Variants in ATP2C2 observed in about 807,000 individuals in gnomAD.
ATP2C2 encodes the protein calcium-transporting ATPase type 2C member 2.
A neutral mutation model predicts 110.8 loss-of-function variants in ATP2C2; 171 were observed. The observed-to-expected ratio is 1.54, with a 90% CI of 1.36 to 1.75. The LOEUF (loss-of-function observed/expected upper bound fraction) is 1.75, where lower values mean the gene tolerates loss of function less well. Among genes scored for constraint, ATP2C2 ranks in the 40% most tolerant of loss-of-function variants. The pLI is 0.00. For synonymous variants in ATP2C2, 804 were observed against 508.4 expected, an observed-to-expected ratio of 1.58 and a Z score of -7.82; for missense variants, 1,963 against 1,235.0, an observed-to-expected ratio of 1.59 and a Z score of -8.84.
chr16:84,438,542 C>T (rs557681113), intron 11 of ATP2C2, among the ~76,000 whole-genome samples: 2 of 152,330 alleles, frequency 1.3e-5, no homozygotes, highest in South Asian at 2.1e-4. Flanking sequence ...CACACGCTCT[C>T]CTCGAATCCA....
intron 10 of ATP2C2, among the ~76,000 whole-genome samples, chr16:84,424,932 C>T (rs531262224): frequency 6.6e-6 from 1 of 152,192 alleles, no homozygotes; most frequent in African/African-American, 2.4e-5. Flanking sequence ...ACTGCCTCAC[C>T]CCTATTTCCA....
chr16:84,415,847 A>G (rs950064572), intron 7 of ATP2C2, among the ~76,000 whole-genome samples: 1 of 152,228 alleles, frequency 6.6e-6, no homozygotes, highest in Non-Finnish European at 1.5e-5. Context: ...AGTTTAAAGC[A>G]GGCTGCAATA....
chr16:84,451,193 AAAC>A (rs1212993479), intron 17 of ATP2C2, among the ~76,000 whole-genome samples: 2 of 152,158 alleles, frequency 1.3e-5, no homozygotes, highest in African/African-American at 2.4e-5. Flanking sequence ...GCCTAAGGGG[AAAC>A]CCCTCATAAA....
rs757204009 is a variant in ATP2C2 at position 84,446,367 on chromosome 16, AAAAG to A, written c.1442_1445del (p.Lys481ArgfsTer13). 14 of 1,604,422 alleles carry A rather than the reference AAAAG, an allele frequency of 8.7e-6. No homozygotes were observed. The highest frequency in any genetic ancestry group is 1.1e-5 in the South Asian group (1 of 88,874). The stretch of plus-strand genomic sequence containing the variant: ...ATATTAAAAATTCATATATAAGAAA[AAAAG>A]AGATTCCATTCAGTTCAGAGCAGAA... On this transcript the variant is annotated frameshift_variant, in exon 16 of 27. Coordinates refer to ENST00000262429, the MANE Select transcript of ATP2C2 (RefSeq NM_014861.4). LOFTEE classifies it high-confidence loss of function.
chr16:84,408,503 C>T lies in ATP2C2; in HGVS notation c.417+9C>T. ...CCGTCAGCATCGCCACGGTGAGTTC[C>T]CTGACAGCGCTCGGCTCCCGGGCGG... On this transcript the variant is annotated intron_variant, in intron 4 of 26. Transcript: ENST00000262429. 5.6e-6 allele frequency: 9 copies of T among 1,610,628 alleles called. No individual in the cohort carries two copies. Among genetic ancestry groups the T allele is most frequent in the Non-Finnish European group, 7.6e-6 (9 of 1,178,826 alleles).
chr16:84,432,763 T>G (rs1379795888), intron 11 of ATP2C2, among the ~76,000 whole-genome samples: 1 of 152,198 alleles, frequency 6.6e-6, no homozygotes, highest in Admixed American at 6.5e-5. Flanking sequence ...TCAGGTGATC[T>G]GCCTGCCTCT....
intron 11 of ATP2C2, among the ~76,000 whole-genome samples, chr16:84,436,831 C>T (rs1172665017): frequency 6.8e-6 from 1 of 147,142 alleles, no homozygotes; most frequent in African/African-American, 2.5e-5. Context: ...GGCACCATCT[C>T]AGCTCACCAC....
chr16:84,372,659 C>G (rs1433349872), intron 1 of ATP2C2, among the ~76,000 whole-genome samples: 1 of 152,010 alleles, frequency 6.6e-6, no homozygotes, highest in Non-Finnish European at 1.5e-5. Context: ...CTCCTGACCT[C>G]ATGATCCGCC....
intron 3 of ATP2C2, chr16:84,406,677 A>G (rs1321943272): frequency 1.0e-6 from 1 of 982,156 alleles, no homozygotes; most frequent in African/African-American, 1.8e-5. Flanking sequence ...GCTAGCCCAG[A>G]AGCTTCCTAA....
At chr16:84,451,351 C>G (rs921740935) in intron 17 of ATP2C2, among the ~76,000 whole-genome samples, 1 of 152,176 alleles carries the variant, frequency 6.6e-6, no homozygotes, top group African/African-American at 2.4e-5. Flanking sequence ...TGGGTGGGGA[C>G]ACAGCCAAAC....
intron 11 of ATP2C2, among the ~76,000 whole-genome samples, chr16:84,432,415 C>T (rs532842903): frequency 2.0e-5 from 3 of 152,060 alleles, no homozygotes; most frequent in Non-Finnish European, 4.4e-5. Flanking sequence ...AGGCATTTGG[C>T]CTAATGCTCT....
intron 11 of ATP2C2, among the ~76,000 whole-genome samples, chr16:84,426,853 C>T (rs556180541): frequency 2.6e-5 from 4 of 152,292 alleles, no homozygotes; most frequent in East Asian, 3.9e-4. Context: ...GGGGACCCGC[C>T]CTTCTTCTAC....
intron 16 of ATP2C2, 106 bp downstream of exon 16, chr16:84,446,536 T>C (rs867707877): frequency 2.9e-6 from 2 of 679,426 alleles, no homozygotes; most frequent in Middle Eastern, 2.7e-4. Flanking sequence ...TCCTGGCTGC[T>C]TCTGTGACGT....
rs138360380 is a variant in ATP2C2, at chr16:84,403,604, G to A, written c.211-1524G>A. On this transcript the variant is annotated intron_variant, in intron 2 of 26. Coordinates refer to ENST00000262429, the MANE Select transcript of ATP2C2 (RefSeq NM_014861.4). ...ATTACAGGTATGAGTCACTGTGCCTGGCCTTAACCATTTTGAAGTGTACAT... is the reference window on the plus strand; with the variant it reads ...ATTACAGGTATGAGTCACTGTGCCTAGCCTTAACCATTTTGAAGTGTACAT... Among the ~76,000 whole-genome samples, 948 of 152,234 alleles carry A rather than the reference G, an allele frequency of 6.2e-3. 6 individuals carry two copies. The highest frequency in any genetic ancestry group is 9.2e-3 in the Non-Finnish European group (623 of 68,022).
At chr16:84,379,241 G>T (rs1200768888) in intron 1 of ATP2C2, among the ~76,000 whole-genome samples, 2 of 151,626 alleles carry the variant, frequency 1.3e-5, no homozygotes, top group South Asian at 2.1e-4. Flanking sequence ...GAGTGCAGTG[G>T]CGCAATCATG....
At chr16:84,454,750 G>T (rs1398590852) in intron 20 of ATP2C2, 68 bp from the exon 21 acceptor site, 4 of 1,469,014 alleles carry the variant, frequency 2.7e-6, no homozygotes, top group African/African-American at 1.4e-5. Context: ...TGGCCACAGG[G>T]TGTGCATGGC....
intron 2 of ATP2C2, chr16:84,404,651 G>A (rs1905589327): frequency 2.5e-5 from 8 of 320,332 alleles, no homozygotes; most frequent in South Asian, 1.9e-4. Flanking sequence ...ACAGTGCTAC[G>A]AACATGGTTG....
intron 6 of ATP2C2, among the ~76,000 whole-genome samples, chr16:84,414,727 C>T (rs1906680300): frequency 6.6e-6 from 1 of 152,118 alleles, no homozygotes; most frequent in African/African-American, 2.4e-5. Flanking sequence ...TGCAAAGCCC[C>T]TGAGGCCAGA....
intron 1 of ATP2C2, among the ~76,000 whole-genome samples, chr16:84,397,976 C>A (rs754944431): frequency 6.6e-6 from 1 of 151,782 alleles, no homozygotes; most frequent in East Asian, 1.9e-4. Context: ...AGTTACCCCT[C>A]AGGTAGGTAG....
Sources: gnomAD v4.1 joint callset for allele counts (sites outside exome capture counted in the v4.1 genomes callset) on GRCh38, gnomAD v4.1.1 for gene constraint, MANE v1.5 for transcripts, NCBI Gene and HGNC (gene_info 2026-07-23, HGNC 2026-07-21) for gene names.